The following GSDME variants were observed in gnomAD, a reference collection of about 807,000 sequenced individuals.
GSDME encodes gasdermin E.
In GSDME, 44 loss-of-function variants were observed where a neutral mutation model predicts 47.5. The observed-to-expected ratio is 0.93, with a 90% confidence interval of 0.73 to 1.19. GSDME has a LOEUF of 1.19. Among genes scored for constraint, GSDME ranks in the 50% most tolerant of loss-of-function variants. The pLI, the probability that GSDME is intolerant of heterozygous loss-of-function variation, is 0.00. For missense variants in GSDME, 663 were observed against 604.2 expected (o/e 1.10, Z -1.02); for synonymous variants, 258 against 252.8 (o/e 1.02, Z -0.20).
intron 1 of GSDME, among the ~76,000 whole-genome samples, chr7:24,751,131 G>C (rs1322754685): frequency 6.6e-6 from 1 of 152,082 alleles, no homozygotes; most frequent in Non-Finnish European, 1.5e-5. Context: ...GAACAAAAAT[G>C]CTTAACATAT....
At chr7:24,743,317 T>TTA (rs1790547446) in intron 3 of GSDME, among the ~76,000 whole-genome samples, 2 of 152,252 alleles carry the variant, frequency 1.3e-5, no homozygotes, top group Admixed American at 1.3e-4. Context: ...CCAGCCATAC[T>TTA]TAAATACAAG....
chr7:24,724,076 C>T lies in GSDME; in HGVS notation c.405-4858G>A, dbSNP rs1789885570. 6.6e-6 allele frequency among the ~76,000 whole-genome samples: 1 copy of T among 151,972 alleles called. No individual in the cohort carries two copies. The highest frequency in any genetic ancestry group is 1.5e-5 in the Non-Finnish European group (1 of 67,988). The stretch of plus-strand genomic sequence containing the variant: ...GACACAGAAAACTATTAGTAGTGGT[C>T]GCCTCTTGGGTGGGGAACCAGATGG... On this transcript the variant is annotated intron_variant, in intron 3 of 9. Coordinates refer to ENST00000645220, the MANE Select transcript of GSDME (RefSeq NM_001127453.2). This position sits in a 1 kb window ranked among gnomAD's most constrained non-coding sequence, Gnocchi z 4.8.
the GSDME span, among the ~76,000 whole-genome samples, chr7:24,786,318 A>G: frequency 6.6e-6 from 1 of 152,226 alleles, no homozygotes; most frequent in African/African-American, 2.4e-5. This position sits in a 1 kb window ranked among gnomAD's most constrained non-coding sequence, Gnocchi z 5.5. Context: ...ACAAACATTT[A>G]AACTTGGAAG....
chr7:24,785,603 A>G, the GSDME span, among the ~76,000 whole-genome samples: 1 of 152,132 alleles, frequency 6.6e-6, no homozygotes, highest in Non-Finnish European at 1.5e-5. Flanking sequence ...CTACAGGCAC[A>G]TGCCACCATG....
the GSDME span, among the ~76,000 whole-genome samples, chr7:24,784,988 G>GGAC: frequency 6.6e-6 from 1 of 152,002 alleles, no homozygotes; most frequent in Non-Finnish European, 1.5e-5. Context: ...ACACAGCCAG[G>GGAC]GACAATACTT....
At chr7:24,769,771 G>A in the GSDME span, among the ~76,000 whole-genome samples, 35 of 152,062 alleles carry the variant, frequency 2.3e-4, no homozygotes, top group Non-Finnish European at 4.6e-4. Flanking sequence ...AAAAACACAC[G>A]CATGCAATCT....
At chr7:24,793,843 G>A in the GSDME span, among the ~76,000 whole-genome samples, 3 of 150,330 alleles carry the variant, frequency 2.0e-5, no homozygotes, top group South Asian at 4.2e-4. Flanking sequence ...TCACAGTGAG[G>A]TTTCCTTTAA....
chr7:24,785,594 T>C, the GSDME span, among the ~76,000 whole-genome samples: 1 of 152,224 alleles, frequency 6.6e-6, no homozygotes, highest in African/African-American at 2.4e-5. Context: ...TAGCTGGGAC[T>C]ACAGGCACAT....
intron 3 of GSDME, among the ~76,000 whole-genome samples, chr7:24,731,370 G>C (rs1157035058): frequency 6.6e-6 from 1 of 152,268 alleles, no homozygotes; most frequent in Non-Finnish European, 1.5e-5. Context: ...GCAAGAACCA[G>C]AGCCCCGCCG....
At chr7:24,710,540 C>T (rs1244221154) in intron 5 of GSDME, 152 bp from the exon 6 acceptor site, 1 of 712,222 alleles carries the variant, frequency 1.4e-6, no homozygotes. Flanking sequence ...AATTCGATCC[C>T]TACACACATT....
In GSDME at chr7:24,735,402, CTG is replaced by C. The variant is rs1378322301; in HGVS notation, c.404+9158_404+9159del. ...AACACAGACTATTATAACACTGTCA[CTG>C]TGGTATGTAAACTACTCATATCTTA... On this transcript the variant is annotated intron_variant, in intron 3 of 9. Coordinates refer to ENST00000645220, the MANE Select transcript of GSDME (RefSeq NM_001127453.2). The surrounding 1 kb of genome is among the most constrained non-coding windows in gnomAD (Gnocchi z 4.4). Among the ~76,000 whole-genome samples, 2 of 152,176 alleles carry C rather than the reference CTG, an allele frequency of 1.3e-5. No individual in the cohort carries two copies. Among genetic ancestry groups the C allele is most frequent in the Admixed American group, 1.3e-4 (2 of 15,266 alleles).
chr7:24,744,637 TC>T lies in GSDME; in HGVS notation c.328del (p.Glu110ArgfsTer9), dbSNP rs1258556898. On this transcript the variant is annotated frameshift_variant, in exon 3 of 10. Transcript: ENST00000645220. LOFTEE classifies it high-confidence loss of function. This position sits in a 1 kb window ranked among gnomAD's most constrained non-coding sequence, Gnocchi z 4.5. ...KLNLGGSSRVESQSSFGTLRK... is the reference protein window; with the variant it reads ...KLNLGGSSRVXSQSSFGTLRK... ...CAGGGTTCCAAATGAAGACTGGCTC[TC>T]TACGCGGCTGCTGCCCCCCAGGTTC... 1.2e-6 allele frequency: 2 copies of T among 1,614,220 alleles called. No individual in the cohort carries two copies. The highest frequency in any genetic ancestry group is 3.3e-5 in the Admixed American group (2 of 60,032).
chr7:24,707,247 T>C (rs1789148111), intron 7 of GSDME: 1 of 466,128 alleles, frequency 2.1e-6, no homozygotes, highest in Non-Finnish European at 4.4e-6. Context: ...CTGCATAATA[T>C]AATAGAAAAA....
chr7:24,765,785 G>A, the GSDME span, among the ~76,000 whole-genome samples: 1 of 152,084 alleles, frequency 6.6e-6, no homozygotes, highest in Non-Finnish European at 1.5e-5. Context: ...TTTTTGGATT[G>A]CTTATTTTTG....
chr7:24,743,514 A>G (rs1562711801), intron 3 of GSDME, among the ~76,000 whole-genome samples: 1 of 152,200 alleles, frequency 6.6e-6, no homozygotes, highest in Non-Finnish European at 1.5e-5. Context: ...AGCAGCCAGA[A>G]TGATCCTTCT....
At chr7:24,794,490 G>A in the GSDME span, among the ~76,000 whole-genome samples, 16,215 of 152,094 alleles carry the variant, frequency 0.11, 1,822 homozygotes, top group African/African-American at 0.28. Flanking sequence ...CCACCGTGGG[G>A]GGTCTAAAAC....
At position 24,714,183 on chromosome 7, in the gene GSDME, C is replaced by A. The variant is rs552858111; in HGVS notation, c.697+3071G>T. 6.6e-6 allele frequency among the ~76,000 whole-genome samples: 1 copy of A among 152,164 alleles called. No homozygotes were observed. Among genetic ancestry groups the A allele is most frequent in the East Asian group, 1.9e-4 (1 of 5,188 alleles). Reference sequence around the variant, plus strand: ...GCATAAGTGTCTCCTGAGAGGGGAGCTGTGGGTGAAGGAAAGGGTCTCATT... The same window carrying A: ...GCATAAGTGTCTCCTGAGAGGGGAGATGTGGGTGAAGGAAAGGGTCTCATT... On this transcript the variant is annotated intron_variant, in intron 5 of 9. Transcript: ENST00000645220. This position sits in a 1 kb window ranked among gnomAD's most constrained non-coding sequence, Gnocchi z 5.0.
At chr7:24,778,131 A>G in the GSDME span, among the ~76,000 whole-genome samples, 1 of 151,622 alleles carries the variant, frequency 6.6e-6, no homozygotes, top group South Asian at 2.1e-4. This position sits in a 1 kb window ranked among gnomAD's most constrained non-coding sequence, Gnocchi z 5.6. Context: ...GTGTGTCTGT[A>G]GTGGCGTTAG....
chr7:24,743,129 G>A (rs1279032830), intron 3 of GSDME, among the ~76,000 whole-genome samples: 1 of 152,206 alleles, frequency 6.6e-6, no homozygotes, highest in Non-Finnish European at 1.5e-5. Flanking sequence ...CTGAAGAGGG[G>A]CTTGGGACTT....
Sources: allele counts gnomAD v4.1 joint callset (sites outside exome capture counted in the v4.1 genomes callset), GRCh38; gene constraint gnomAD v4.1.1; non-coding constraint Gnocchi (gnomAD v3.1); transcripts MANE v1.5; gene names NCBI Gene and HGNC (gene_info 2026-07-23, HGNC 2026-07-21).